CDH13: variants seen among roughly 807,000 people sequenced by gnomAD.
CDH13 encodes cadherin 13.
CDH13 carries 24 observed loss-of-function variants against 63.8 expected under a neutral mutation model. That is an observed-to-expected ratio of 0.38 (90% CI 0.27 to 0.53). The LOEUF (loss-of-function observed/expected upper bound fraction) is 0.53. Ranked by LOEUF, CDH13 falls within the 20% of genes least tolerant of loss-of-function variation. The pLI, the probability that CDH13 is intolerant of heterozygous loss-of-function variation, is 0.85. For synonymous variants in CDH13, 503 were observed against 355.3 expected, an observed-to-expected ratio of 1.42 and a Z score of -4.67; for missense variants, 1,049 against 903.1, an observed-to-expected ratio of 1.16 and a Z score of -2.07.
chr16:83,213,561 G>T (rs997815911), intron 4 of CDH13, among the ~76,000 whole-genome samples: 2 of 151,810 alleles, frequency 1.3e-5, no homozygotes, highest in Admixed American at 6.6e-5. Context: ...CAGATAGATG[G>T]GTCAGAGAAG....
intron 7 of CDH13, among the ~76,000 whole-genome samples, chr16:83,575,904 C>G (rs986471197): frequency 6.6e-6 from 1 of 152,152 alleles, no homozygotes; most frequent in African/African-American, 2.4e-5. Flanking sequence ...GCACATAGTA[C>G]TCTTTATTGT....
At chr16:83,276,371 T>C (rs1269066807) in intron 5 of CDH13, among the ~76,000 whole-genome samples, 1 of 152,182 alleles carries the variant, frequency 6.6e-6, no homozygotes, top group Non-Finnish European at 1.5e-5. Context: ...CACCTGTGTC[T>C]TTGGTGTTTC....
intron 6 of CDH13, among the ~76,000 whole-genome samples, 198 bp downstream of exon 6, chr16:83,345,204 C>T (rs1408879276): frequency 6.6e-6 from 1 of 152,188 alleles, no homozygotes; most frequent in Non-Finnish European, 1.5e-5. Context: ...CTACGGAAAT[C>T]TCTTTCATTG....
chr16:83,788,838 A>G (rs1326109442), intron 13 of CDH13, among the ~76,000 whole-genome samples: 1 of 152,186 alleles, frequency 6.6e-6, no homozygotes, highest in Admixed American at 6.5e-5. Context: ...AATTATTCCC[A>G]CAGTGAAACT....
At chr16:83,696,198 A>G (rs1905379587) in intron 10 of CDH13, among the ~76,000 whole-genome samples, 1 of 152,134 alleles carries the variant, frequency 6.6e-6, no homozygotes, top group Admixed American at 6.6e-5. Context: ...GCCTCAAGGA[A>G]CTTCTCAACA....
chr16:82,627,261 C>T, intron 1 of CDH13, 124 bp downstream of exon 1: 2 of 798,416 alleles, frequency 2.5e-6, no homozygotes, highest in Non-Finnish European at 4.3e-6. Flanking sequence ...GAAGACAGAT[C>T]GGGGCTCGGT....
At chr16:83,647,157 A>G (rs1307110757) in intron 8 of CDH13, among the ~76,000 whole-genome samples, 1 of 151,828 alleles carries the variant, frequency 6.6e-6, no homozygotes, top group African/African-American at 2.4e-5. Context: ...AAAAACACAA[A>G]AAATTAGCCA....
At chr16:83,278,876 A>G (rs1046581698) in intron 5 of CDH13, among the ~76,000 whole-genome samples, 1 of 152,242 alleles carries the variant, frequency 6.6e-6, no homozygotes, top group African/African-American at 2.4e-5. Flanking sequence ...GGGAAAGGGC[A>G]GGATGTTGAA....
intron 13 of CDH13, among the ~76,000 whole-genome samples, chr16:83,791,658 A>G (rs1916273298): frequency 6.6e-6 from 1 of 151,690 alleles, no homozygotes; most frequent in African/African-American, 2.4e-5. Context: ...TAAAAATACA[A>G]AAATTAGCTG....
chr16:83,130,544 A>T (rs370868119), intron 4 of CDH13, among the ~76,000 whole-genome samples: 1 of 152,238 alleles, frequency 6.6e-6, no homozygotes, highest in Admixed American at 6.5e-5. Context: ...GATATCTGAT[A>T]TGTGATAAAG....
At chr16:83,506,459 G>T (rs140983653) in intron 7 of CDH13, among the ~76,000 whole-genome samples, 127 of 152,312 alleles carry the variant, frequency 8.3e-4, no homozygotes, top group African/African-American at 3.0e-3. Context: ...TCTGACCCAT[G>T]CTTTCTGGCT....
intron 2 of CDH13, among the ~76,000 whole-genome samples, chr16:82,993,158 C>T (rs1042380268): frequency 3.9e-5 from 6 of 152,112 alleles, no homozygotes; most frequent in African/African-American, 7.2e-5. Flanking sequence ...TTTCTGCCCT[C>T]GATATCTGTT....
At chr16:83,023,315 C>T (rs1450266017) in intron 2 of CDH13, among the ~76,000 whole-genome samples, 1 of 151,496 alleles carries the variant, frequency 6.6e-6, no homozygotes, top group Non-Finnish European at 1.5e-5. Flanking sequence ...CCGACTCCAC[C>T]CCGCCCTCCC....
intron 2 of CDH13, among the ~76,000 whole-genome samples, chr16:82,867,135 A>G (rs780447047): frequency 2.0e-5 from 3 of 152,194 alleles, no homozygotes; most frequent in Non-Finnish European, 4.4e-5. Flanking sequence ...TCATCTGCCC[A>G]TTTTACAGGT....
At chr16:83,021,318 A>G (rs1915326028) in intron 2 of CDH13, among the ~76,000 whole-genome samples, 1 of 152,236 alleles carries the variant, frequency 6.6e-6, no homozygotes, top group African/African-American at 2.4e-5. Context: ...TATATAAAGT[A>G]ATTCCAATTT....
At chr16:83,267,852 T>G (rs1245777554) in intron 5 of CDH13, among the ~76,000 whole-genome samples, 1 of 152,198 alleles carries the variant, frequency 6.6e-6, no homozygotes, top group East Asian at 1.9e-4. Context: ...AAGACATCTT[T>G]TATCACCACT....
chr16:82,792,601 T>C (rs1296038973), intron 1 of CDH13, among the ~76,000 whole-genome samples: 2 of 152,200 alleles, frequency 1.3e-5, no homozygotes, highest in East Asian at 1.9e-4. Context: ...AAGTGTCATA[T>C]GCCACTGCAT....
chr16:83,378,227 T>C (rs1329866203), intron 6 of CDH13, among the ~76,000 whole-genome samples: 1 of 152,182 alleles, frequency 6.6e-6, no homozygotes, highest in Non-Finnish European at 1.5e-5. Context: ...AGATGCCACA[T>C]AGATGACAAA....
At chr16:82,647,111 G>C (rs1910186373) in intron 1 of CDH13, among the ~76,000 whole-genome samples, 1 of 152,216 alleles carries the variant, frequency 6.6e-6, no homozygotes. Context: ...CTGTAGGGCT[G>C]TGTGACCATG....
Sources: gnomAD v4.1 joint callset for allele counts (sites outside exome capture counted in the v4.1 genomes callset) on GRCh38, gnomAD v4.1.1 for gene constraint, MANE v1.5 for transcripts, NCBI Gene and HGNC (gene_info 2026-07-23, HGNC 2026-07-21) for gene names.